CSMD1: variants seen among roughly 807,000 people sequenced by gnomAD.
CSMD1 encodes the protein CUB and sushi domain-containing protein 1.
Under a neutral mutation model 417.5 loss-of-function variants are expected in CSMD1, and 213 were observed. The ratio of observed to expected loss-of-function variants is 0.51; its 90% CI spans 0.46 to 0.57. The LOEUF (loss-of-function observed/expected upper bound fraction) is 0.57, where lower values mean the gene tolerates loss of function less well. Among genes scored for constraint, CSMD1 ranks in the 20% least tolerant of loss-of-function variants. The probability of loss-of-function intolerance (pLI) is 0.00; values close to 1 mark genes in which losing one functional copy is unlikely to be tolerated. For missense variants in CSMD1, 6,923 were observed against 4,529.7 expected (o/e 1.53, Z -15.17); for synonymous variants, 2,862 against 1,736.8 (o/e 1.65, Z -16.11).
At chr8:3,563,693 A>C (rs1799573059) in intron 10 of CSMD1, among the ~76,000 whole-genome samples, 1 of 152,124 alleles carries the variant, frequency 6.6e-6, no homozygotes, top group Non-Finnish European at 1.5e-5. Flanking sequence ...GTTCGAGACC[A>C]GCCTGGCCAA....
At chr8:3,934,041 C>T (rs28591443) in intron 5 of CSMD1, among the ~76,000 whole-genome samples, 9,528 of 151,888 alleles carry the variant, frequency 0.063, 391 homozygotes, top group East Asian at 0.19. Context: ...GGAAGCCACT[C>T]TGCTCTACAC....
intron 23 of CSMD1, among the ~76,000 whole-genome samples, chr8:3,309,078 C>T (rs1805119696): frequency 6.6e-6 from 1 of 152,094 alleles, no homozygotes; most frequent in African/African-American, 2.4e-5. Context: ...TCCAAGCCTC[C>T]AGTCTGCACC....
At chr8:3,969,140 C>T (rs1307527064) in intron 5 of CSMD1, among the ~76,000 whole-genome samples, 1 of 152,240 alleles carries the variant, frequency 6.6e-6, no homozygotes, top group East Asian at 1.9e-4. Flanking sequence ...AATGTTACTA[C>T]TCGAGAGGCT....
chr8:4,080,733 A>G (rs1453249218), intron 3 of CSMD1, among the ~76,000 whole-genome samples: 1 of 152,192 alleles, frequency 6.6e-6, no homozygotes, highest in Non-Finnish European at 1.5e-5. Flanking sequence ...AGGAGAGAAA[A>G]ATAATGTTTC....
chr8:4,791,132 C>G (rs775059333), intron 1 of CSMD1, among the ~76,000 whole-genome samples: 3 of 145,452 alleles, frequency 2.1e-5, no homozygotes, highest in Non-Finnish European at 3.1e-5. Context: ...GAGGGAGAAA[C>G]TTTTAAGTGA....
At chr8:4,978,130 A>C (rs1810671366) in intron 1 of CSMD1, among the ~76,000 whole-genome samples, 1 of 152,222 alleles carries the variant, frequency 6.6e-6, no homozygotes, top group Admixed American at 6.5e-5. Context: ...CAAAGGTCTC[A>C]GTCACGTGGC....
intron 6 of CSMD1, among the ~76,000 whole-genome samples, chr8:3,736,666 G>C (rs993311238): frequency 3.3e-5 from 5 of 152,154 alleles, no homozygotes; most frequent in African/African-American, 1.2e-4. Flanking sequence ...CTGCGACCTG[G>C]CCTGACTCAG....
At chr8:3,654,639 A>T (rs1481803293) in intron 7 of CSMD1, among the ~76,000 whole-genome samples, 1 of 152,206 alleles carries the variant, frequency 6.6e-6, no homozygotes, top group Non-Finnish European at 1.5e-5. Context: ...TTGATTTGCT[A>T]GGTGTGAGAG....
At position 4,088,615 on chromosome 8, in the gene CSMD1, C is replaced by T. The variant is rs1800547004; in HGVS notation, c.416-56516G>A. ...ACATGTATTCTCTCTCTCTCCCCTT[C>T]CCACCCAACCAGGTTGAGAGTAAAG... On this transcript the variant is annotated intron_variant, in intron 3 of 69. Coordinates refer to ENST00000635120, the MANE Select transcript of CSMD1 (RefSeq NM_033225.6). Among the ~76,000 whole-genome samples the T allele has an allele frequency of 2.6e-5, 4 of 152,160 alleles. No homozygotes were observed. The South Asian group carries it at 8.3e-4, about 32-fold the overall frequency.
At chr8:3,333,339 GA>G (rs1807031616) in intron 23 of CSMD1, among the ~76,000 whole-genome samples, 1 of 151,398 alleles carries the variant, frequency 6.6e-6, no homozygotes, top group Non-Finnish European at 1.5e-5. Flanking sequence ...CAGAGCAATA[GA>G]AAACTAAGGT....
chr8:3,206,739 C>T (rs1797316504), intron 30 of CSMD1, among the ~76,000 whole-genome samples: 1 of 150,620 alleles, frequency 6.6e-6, no homozygotes, highest in Non-Finnish European at 1.5e-5. Context: ...TCTTAATTTT[C>T]CCCCAGTTAT....
intron 25 of CSMD1, among the ~76,000 whole-genome samples, chr8:3,288,029 T>G (rs946856103): frequency 6.8e-6 from 1 of 147,510 alleles, no homozygotes; most frequent in Non-Finnish European, 1.5e-5. Context: ...TTGAATTTTG[T>G]CAAAGGCCTT....
chr8:4,508,962 A>G (rs959640152), intron 2 of CSMD1, among the ~76,000 whole-genome samples: 5 of 152,128 alleles, frequency 3.3e-5, no homozygotes, highest in African/African-American at 1.2e-4. Context: ...GGGCAGCCTG[A>G]GCTTTCCTGC....
intron 5 of CSMD1, among the ~76,000 whole-genome samples, chr8:3,981,767 G>T (rs1288775791): frequency 6.6e-6 from 1 of 152,130 alleles, no homozygotes; most frequent in African/African-American, 2.4e-5. Context: ...CGTCCGACAG[G>T]CTGTGCGCTT....
chr8:4,993,550 C>T (rs1304260326), intron 1 of CSMD1, among the ~76,000 whole-genome samples: 1 of 152,172 alleles, frequency 6.6e-6, no homozygotes, highest in African/African-American at 2.4e-5. Flanking sequence ...ACCAAGCTCA[C>T]AGAGCCCCAA....
chr8:4,654,874 G>C (rs969649977), intron 1 of CSMD1, among the ~76,000 whole-genome samples: 1 of 151,972 alleles, frequency 6.6e-6, no homozygotes, highest in African/African-American at 2.4e-5. Context: ...AAGGGGCAAA[G>C]GGTTGAAAAA....
intron 1 of CSMD1, chr8:4,787,320 C>T (rs140903535): frequency 2.7e-4 from 196 of 720,932 alleles, no homozygotes; most frequent in African/African-American, 2.6e-3. Context: ...AGCCCTCAGC[C>T]CACTCAGGAT....
At chr8:3,909,115 G>C (rs1404560904) in intron 5 of CSMD1, among the ~76,000 whole-genome samples, 1 of 152,182 alleles carries the variant, frequency 6.6e-6, no homozygotes, top group Non-Finnish European at 1.5e-5. Context: ...GACAACTAAA[G>C]CAATATTCTG....
chr8:3,253,465 G>T (rs1305909064), intron 26 of CSMD1, among the ~76,000 whole-genome samples: 2 of 152,058 alleles, frequency 1.3e-5, no homozygotes, highest in East Asian at 3.9e-4. Flanking sequence ...GGTCAATTTT[G>T]GACTAGGTGT....
Sources: gnomAD v4.1 joint callset for allele counts (sites outside exome capture counted in the v4.1 genomes callset) on GRCh38, gnomAD v4.1.1 for gene constraint, MANE v1.5 for transcripts, NCBI Gene and HGNC (gene_info 2026-07-23, HGNC 2026-07-21) for gene names.